Variants in STAU2 observed in about 807,000 individuals in gnomAD.
STAU2 encodes the protein staufen double-stranded RNA binding protein 2.
Under a neutral mutation model 65.9 loss-of-function variants are expected in STAU2, and 20 were observed. That is an observed-to-expected ratio of 0.30 (90% CI 0.21 to 0.44). The LOEUF is 0.44. Among genes scored for constraint, STAU2 ranks in the 20% least tolerant of loss-of-function variants. The pLI, the probability that STAU2 is intolerant of heterozygous loss-of-function variation, is 1.00. For synonymous variants in STAU2, 232 were observed against 233.9 expected, an observed-to-expected ratio of 0.99 and a Z score of 0.07; for missense variants, 558 against 683.9, an observed-to-expected ratio of 0.82 and a Z score of 2.05.
intron 9 of STAU2, among the ~76,000 whole-genome samples, chr8:73,613,128 T>C (rs1410337585): frequency 1.3e-5 from 2 of 152,238 alleles, no homozygotes; most frequent in Admixed American, 6.5e-5. Flanking sequence ...CTTCATATGG[T>C]TGCTATGTGG....
At chr8:73,474,168 A>C (rs946518423) in intron 13 of STAU2, among the ~76,000 whole-genome samples, 4 of 152,122 alleles carry the variant, frequency 2.6e-5, no homozygotes, top group African/African-American at 7.2e-5. Context: ...AAACAAAAAA[A>C]CCCACAAAAC....
At chr8:73,638,078 T>G in intron 6 of STAU2, among the ~76,000 whole-genome samples, 1 of 151,978 alleles carries the variant, frequency 6.6e-6, no homozygotes, top group East Asian at 1.9e-4. Context: ...TACATATACA[T>G]ATACATATCC....
At chr8:73,460,423 C>A (rs533539428) in intron 13 of STAU2, among the ~76,000 whole-genome samples, 1 of 152,112 alleles carries the variant, frequency 6.6e-6, no homozygotes. Context: ...CTACAGGGGA[C>A]GAGAGAGGTT....
intron 13 of STAU2, chr8:73,549,918 A>C: frequency 2.0e-6 from 2 of 985,804 alleles, no homozygotes; most frequent in Non-Finnish European, 2.4e-6. Flanking sequence ...GAAACAATCT[A>C]CATGTTTTTC....
At chr8:73,743,463 TTAA>T in intron 1 of STAU2, among the ~76,000 whole-genome samples, 1 of 132,628 alleles carries the variant, frequency 7.5e-6, no homozygotes, top group Non-Finnish European at 1.5e-5. Flanking sequence ...TGCCTTCTTT[TTAA>T]TTTTTTTTTT....
chr8:73,729,887 C>T (rs553837712), intron 3 of STAU2, among the ~76,000 whole-genome samples: 1 of 152,326 alleles, frequency 6.6e-6, no homozygotes, highest in South Asian at 2.1e-4. Flanking sequence ...TGTCCCCACA[C>T]TCACGTCTAG....
chr8:73,473,091 T>G (rs145176509), intron 13 of STAU2, among the ~76,000 whole-genome samples: 160 of 152,264 alleles, frequency 1.1e-3, no homozygotes, highest in African/African-American at 3.6e-3. Flanking sequence ...GAAGAAGTGC[T>G]TATATAAAAC....
intron 3 of STAU2, among the ~76,000 whole-genome samples, chr8:73,715,931 T>C (rs1367835411): frequency 1.3e-5 from 2 of 152,112 alleles, no homozygotes; most frequent in Non-Finnish European, 2.9e-5. Flanking sequence ...TCTTTTTTTT[T>C]TGAGACGGAG....
intron 6 of STAU2, among the ~76,000 whole-genome samples, chr8:73,648,739 C>T (rs1462310804): frequency 6.6e-6 from 1 of 152,066 alleles, no homozygotes. Context: ...AATGGTTATC[C>T]TCTGATTTTC....
chr8:73,661,337 A>G (rs975809063), intron 6 of STAU2, among the ~76,000 whole-genome samples: 1 of 152,192 alleles, frequency 6.6e-6, no homozygotes, highest in Non-Finnish European at 1.5e-5. Flanking sequence ...CTAGAAAAAC[A>G]TTTACAATGT....
chr8:73,720,039 G>A (rs1327809734), intron 3 of STAU2, among the ~76,000 whole-genome samples: 1 of 152,068 alleles, frequency 6.6e-6, no homozygotes, highest in African/African-American at 2.4e-5. Flanking sequence ...TACCACTTCA[G>A]GCCAAAGCAA....
intron 5 of STAU2, 67 bp from the exon 6 acceptor site, chr8:73,673,309 A>AT (rs1309098773): frequency 4.3e-6 from 6 of 1,407,992 alleles, no homozygotes; most frequent in Non-Finnish European, 4.7e-6. Context: ...TGCAAGCTAT[A>AT]TTTATACAAC....
At chr8:73,617,064 C>T (rs1812878941) in intron 7 of STAU2, among the ~76,000 whole-genome samples, 1 of 151,960 alleles carries the variant, frequency 6.6e-6, no homozygotes, top group Admixed American at 6.5e-5. Context: ...TATTTCTCAT[C>T]CTCATATACA....
At chr8:73,437,599 G>A (rs1817803261) in intron 13 of STAU2, among the ~76,000 whole-genome samples, 1 of 152,198 alleles carries the variant, frequency 6.6e-6, no homozygotes, top group Non-Finnish European at 1.5e-5. Context: ...AAACCACCAT[G>A]TTTGTGGCAA....
In STAU2 at chr8:73,515,933, C is replaced by CT. The variant is rs570606347; in HGVS notation, c.1530+36078dup. On this transcript the variant is annotated intron_variant, in intron 13 of 14. Coordinates refer to ENST00000524300, the MANE Select transcript of STAU2 (RefSeq NM_001164380.2). ...TGTGGGTCTTGATAGGGCACTGACT[C>CT]TTTTTTTTTTTTTTTTTGGAAAGAG... Among the ~76,000 whole-genome samples, 926 of 126,666 alleles carry CT rather than the reference C, an allele frequency of 7.3e-3. 7 individuals are homozygous for CT. The highest frequency in any genetic ancestry group is 9.6e-3 in the African/African-American group (329 of 34,340). 83.1% of individuals were successfully genotyped at this position (126,666 alleles called of 152,430 possible).
chr8:73,677,120 G>A (rs1315888714), intron 5 of STAU2, among the ~76,000 whole-genome samples: 1 of 152,106 alleles, frequency 6.6e-6, no homozygotes, highest in African/African-American at 2.4e-5. Flanking sequence ...ACAGGCATAT[G>A]GAAAGATGCT....
intron 3 of STAU2, among the ~76,000 whole-genome samples, chr8:73,731,340 C>T (rs370230978): frequency 2.6e-5 from 4 of 152,152 alleles, no homozygotes; most frequent in South Asian, 2.1e-4. Flanking sequence ...TAATTCTAAT[C>T]GCCTTGATCT....
rs540002351 is a variant in STAU2, at chr8:73,597,869, C to A, written c.1030-2572G>T. On this transcript the variant is annotated intron_variant, in intron 10 of 14. Transcript: ENST00000524300. Reference sequence around the variant, plus strand: ...ACTTCGCAAAAAGGACTCTTCAGATCTTCTCCATAAAGTTCTACTCAATAT... The same window carrying A: ...ACTTCGCAAAAAGGACTCTTCAGATATTCTCCATAAAGTTCTACTCAATAT... 1.2e-4 allele frequency among the ~76,000 whole-genome samples: 18 copies of A among 152,240 alleles called. No individual in the cohort carries two copies. The South Asian group carries it at 3.5e-3, about 30-fold the overall frequency.
At chr8:73,659,950 C>T (rs1341375024) in intron 6 of STAU2, among the ~76,000 whole-genome samples, 2 of 151,942 alleles carry the variant, frequency 1.3e-5, no homozygotes, top group South Asian at 2.1e-4. Flanking sequence ...TTTGTTGCCA[C>T]TTTGTTTATA....
Sources: gnomAD v4.1 joint callset for allele counts (sites outside exome capture counted in the v4.1 genomes callset) on GRCh38, gnomAD v4.1.1 for gene constraint, MANE v1.5 for transcripts, NCBI Gene and HGNC (gene_info 2026-07-23, HGNC 2026-07-21) for gene names.